Variants in CELSR1 observed in about 807,000 individuals in gnomAD.
CELSR1 encodes adhesion G protein-coupled receptor C1.
CELSR1 carries 110 observed loss-of-function variants against 249.1 expected under a neutral mutation model. The observed-to-expected ratio is 0.44, with a 90% CI of 0.38 to 0.52. CELSR1 has a LOEUF of 0.52. Ranked by LOEUF, CELSR1 falls within the 20% of genes least tolerant of loss-of-function variation. The pLI is 0.00. For synonymous variants in CELSR1, 2,113 were observed against 1,900.0 expected (o/e 1.11, Z -2.92); for missense variants, 4,109 against 4,296.4 (o/e 0.96, Z 1.22).
rs1602234411 is a variant in CELSR1 at position 46,518,163 on chromosome 22, A to T, written c.3544+15464T>A. ...CAGGTGATGTGATCCATCCATCTCG[A>T]CCTCCCAAAGTGCTGTGATTGCAGG... On this transcript the variant is annotated intron_variant, in intron 1 of 34. Coordinates refer to ENST00000674500, the MANE Select transcript of CELSR1 (RefSeq NM_001378328.1). The surrounding 1 kb of genome is among the most constrained non-coding windows in gnomAD (Gnocchi z 5.2). Among the ~76,000 whole-genome samples the T allele has an allele frequency of 2.7e-5, 4 of 149,820 alleles. No homozygotes were observed. The highest frequency in any genetic ancestry group is 2.0e-4 in the Admixed American group (3 of 15,042).
chr22:46,507,344 C>T (rs988454054), intron 1 of CELSR1, among the ~76,000 whole-genome samples: 1 of 152,064 alleles, frequency 6.6e-6, no homozygotes. Context: ...GGGGGGTAGC[C>T]AGGGAGCTAC....
Position 46,362,797 on chromosome 22 carries a change from G to A in CELSR1, c.*426C>T, listed in dbSNP as rs1158165392. The A allele has an allele frequency of 3.5e-5, 9 of 257,280 alleles. No individual in the cohort carries two copies. The highest frequency in any genetic ancestry group is 7.2e-5 in the East Asian group (1 of 13,862). The allele number at this position is 257,280 out of a possible 1,614,324, so 15.9% of individuals were successfully genotyped here. ...TGCCCGGGCTGCCAGCCACGGGTCC[G>A]CACTGCCATGAGATGCCCGCCTGGG... On this transcript the variant is annotated 3_prime_UTR_variant, in exon 35 of 35. Coordinates refer to ENST00000674500, the MANE Select transcript of CELSR1 (RefSeq NM_001378328.1).
intron 1 of CELSR1, among the ~76,000 whole-genome samples, chr22:46,507,421 C>A (rs917910965): frequency 1.3e-5 from 2 of 151,894 alleles, no homozygotes; most frequent in Non-Finnish European, 2.9e-5. Flanking sequence ...CCATGATGAC[C>A]CCCACAGCAC....
chr22:46,483,781 A>G (rs990867633), intron 1 of CELSR1, among the ~76,000 whole-genome samples: 37 of 152,144 alleles, frequency 2.4e-4, no homozygotes, highest in African/African-American at 8.9e-4. Flanking sequence ...GCAGGTCGCC[A>G]TCTTCCTGCC....
At position 46,417,739 on chromosome 22, in the gene CELSR1, G is replaced by T. The variant is rs6007902; in HGVS notation, c.4612-5980C>A. ...CTAGGCAGACTCTTCTAGAAAGGGG[G>T]TAAGTGCATAGCTGCTATCTCTAGG... On this transcript the variant is annotated intron_variant, in intron 5 of 34. Transcript: ENST00000674500. The surrounding 1 kb of genome is among the most constrained non-coding windows in gnomAD (Gnocchi z 4.1). 6.6e-6 allele frequency among the ~76,000 whole-genome samples: 1 copy of T among 152,228 alleles called. No homozygotes were observed. Among genetic ancestry groups the T allele is most frequent in the African/African-American group, 2.4e-5 (1 of 41,444 alleles).
intron 24 of CELSR1, 116 bp from the exon 25 acceptor site, chr22:46,373,173 G>T (rs2078875034): frequency 1.8e-6 from 2 of 1,099,202 alleles, no homozygotes; most frequent in East Asian, 5.5e-5. Context: ...CTATGTGTCT[G>T]TCCTCAGCTG....
intron 2 of CELSR1, among the ~76,000 whole-genome samples, chr22:46,458,300 G>A (rs754265140): frequency 2.2e-4 from 33 of 152,126 alleles, no homozygotes; most frequent in Non-Finnish European, 3.7e-4. Context: ...CTGGAGCACC[G>A]GTCACCCCAG....
chr22:46,525,521 G>C (rs1029276928), intron 1 of CELSR1, among the ~76,000 whole-genome samples: 1 of 152,160 alleles, frequency 6.6e-6, no homozygotes, highest in Admixed American at 6.5e-5. Context: ...AGGGAATTTG[G>C]GGCATTTATA....
In CELSR1 at chr22:46,533,446, C is replaced by A. The variant is rs377306839; in HGVS notation, c.3544+181G>T. On this transcript the variant is annotated intron_variant, in intron 1 of 34. Coordinates refer to ENST00000674500, the MANE Select transcript of CELSR1 (RefSeq NM_001378328.1). ...CGGAAGCGGCGCGGTGCCTCTCCCC[C>A]TCGCTGGGCCTAGGCCGGGCGCCCA... Among the ~76,000 whole-genome samples the A allele has an allele frequency of 1.1e-4, 17 of 152,366 alleles. No individual in the cohort carries two copies. The East Asian group carries it at 3.3e-3, about 29-fold the overall frequency.
In CELSR1 at chr22:46,411,512, T is replaced by C; in HGVS notation, c.4769+90A>G. On this transcript the variant is annotated intron_variant, in intron 6 of 34. Coordinates refer to ENST00000674500, the MANE Select transcript of CELSR1 (RefSeq NM_001378328.1). This position sits in a 1 kb window ranked among gnomAD's most constrained non-coding sequence, Gnocchi z 4.2. ...GGTCGCCAGGGCACTGCACCCAGAG[T>C]GCCTACGTGGGGCCCTGCCCTGGGA... 3 of 1,468,802 alleles carry C rather than the reference T, an allele frequency of 2.0e-6. No homozygotes were observed. Among genetic ancestry groups the C allele is most frequent in the Non-Finnish European group, 1.8e-6 (2 of 1,082,280 alleles). 91.0% of individuals were successfully genotyped at this position (1,468,802 alleles called of 1,614,324 possible). A position where few individuals can be genotyped will look rare whatever the true frequency, so the allele number is the denominator to read the frequency against.
rs888580978 is a variant in CELSR1, at chr22:46,518,494, C to G, written c.3544+15133G>C. Among the ~76,000 whole-genome samples the G allele has an allele frequency of 2.6e-5, 4 of 152,202 alleles. No homozygotes were observed. Among genetic ancestry groups the G allele is most frequent in the African/African-American group, 9.6e-5 (4 of 41,456 alleles). On this transcript the variant is annotated intron_variant, in intron 1 of 34. Transcript: ENST00000674500. The surrounding 1 kb of genome is among the most constrained non-coding windows in gnomAD (Gnocchi z 5.2). The stretch of plus-strand genomic sequence containing the variant: ...GAGGCCTCGGTTATCTGATTTAACA[C>G]GAAGAAACCAGTCACACACACAAAC...
In CELSR1 at chr22:46,391,368, C is replaced by A. The variant is rs1374105180; in HGVS notation, c.6149-81G>T. ...AAACAGGCACCACTGTCTGCATGCG[C>A]CTCCCTGCAGGAGGCCCTGCTCCCA... is the stretch of plus-strand genomic sequence containing the variant. On this transcript the variant is annotated intron_variant, in intron 15 of 34. Transcript: ENST00000674500. The surrounding 1 kb of genome is among the most constrained non-coding windows in gnomAD (Gnocchi z 4.3). 7.8e-7 allele frequency: 1 copy of A among 1,283,956 alleles called. No individual in the cohort carries two copies. The highest frequency in any genetic ancestry group is 2.4e-5 in the East Asian group (1 of 41,060). The allele number at this position is 1,283,956 out of a possible 1,614,324, so 79.5% of individuals were successfully genotyped here. A position where few individuals can be genotyped will look rare whatever the true frequency, so the allele number is the denominator to read the frequency against.
intron 1 of CELSR1, among the ~76,000 whole-genome samples, chr22:46,505,261 C>CAAA (rs3081585): frequency 0.22 from 13,960 of 62,382 alleles, 2,666 homozygotes; most frequent in Middle Eastern, 0.34. Flanking sequence ...GACTCTGTCT[C>CAAA]AAAAAAAAAA....
chr22:46,426,082 G>A (rs556156059), intron 5 of CELSR1, among the ~76,000 whole-genome samples: 2 of 150,552 alleles, frequency 1.3e-5, no homozygotes, highest in African/African-American at 2.5e-5. Flanking sequence ...TCCAACTGCT[G>A]GAGTCGGCTA....
Position 46,436,368 on chromosome 22 carries a change from G to C in CELSR1, c.4407-79C>G. The C allele has an allele frequency of 9.6e-7, 1 of 1,046,800 alleles. No homozygotes were observed. Among genetic ancestry groups the C allele is most frequent in the Non-Finnish European group, 1.5e-6 (1 of 684,590 alleles). 64.8% of individuals were successfully genotyped at this position (1,046,800 alleles called of 1,614,324 possible). A position where few individuals can be genotyped will look rare whatever the true frequency, so the allele number is the denominator to read the frequency against. On this transcript the variant is annotated intron_variant, in intron 3 of 34. Transcript: ENST00000674500. This position sits in a 1 kb window ranked among gnomAD's most constrained non-coding sequence, Gnocchi z 5.9. ...CTGCCTAGGAATGACAAGTCCAGCCGGAGGAGGGCAAGCACGTGGGGCTAC... is the reference window on the plus strand; with the variant it reads ...CTGCCTAGGAATGACAAGTCCAGCCCGAGGAGGGCAAGCACGTGGGGCTAC...
chr22:46,437,429 G>A lies in CELSR1; in HGVS notation c.4407-1140C>T, dbSNP rs898715943. Among the ~76,000 whole-genome samples the A allele has an allele frequency of 1.3e-5, 2 of 152,158 alleles. No homozygotes were observed. Among genetic ancestry groups the A allele is most frequent in the Admixed American group, 1.3e-4 (2 of 15,274 alleles). ...GCAGGAGTCGGCCCGAGCCAGCCTC[G>A]AGCATCTGACCTCAGCCTTTTCTCT... On this transcript the variant is annotated intron_variant, in intron 3 of 34. Transcript: ENST00000674500. This position sits in a 1 kb window ranked among gnomAD's most constrained non-coding sequence, Gnocchi z 4.9.
Position 46,363,618 on chromosome 22 carries a change from C to T in CELSR1, c.9036-371G>A, listed in dbSNP as rs561617796. The T allele has an allele frequency of 1.4e-4, 50 of 362,556 alleles. No individual in the cohort carries two copies. The highest frequency in any genetic ancestry group is 3.9e-4 in the Admixed American group (9 of 23,306). 22.5% of individuals were successfully genotyped at this position (362,556 alleles called of 1,614,324 possible). A position where few individuals can be genotyped will look rare whatever the true frequency, so the allele number is the denominator to read the frequency against. ...TGGGGCCAGGACCCCAGCTCCACCC[C>T]GCCCCCTTCACCCCTGGCATTCCGG... On this transcript the variant is annotated intron_variant, in intron 34 of 34. Transcript: ENST00000674500. This position sits in a 1 kb window ranked among gnomAD's most constrained non-coding sequence, Gnocchi z 4.3.
intron 1 of CELSR1, among the ~76,000 whole-genome samples, chr22:46,504,916 T>C (rs1041017878): frequency 6.6e-6 from 1 of 152,192 alleles, no homozygotes; most frequent in Non-Finnish European, 1.5e-5. Flanking sequence ...AAAAGAGTGC[T>C]GGCTGAATAT....
intron 1 of CELSR1, among the ~76,000 whole-genome samples, chr22:46,489,065 C>T (rs936942748): frequency 2.2e-4 from 33 of 152,232 alleles, no homozygotes; most frequent in Middle Eastern, 3.4e-3. Context: ...GGCAGGGCCA[C>T]CTTCCTGCTG....
Sources: gnomAD v4.1 joint callset for allele counts (sites outside exome capture counted in the v4.1 genomes callset) on GRCh38, gnomAD v4.1.1 for gene constraint, Gnocchi (gnomAD v3.1) non-coding constraint, MANE v1.5 for transcripts, NCBI Gene and HGNC (gene_info 2026-07-23, HGNC 2026-07-21) for gene names.